ALG14: variants seen among roughly 807,000 people sequenced by gnomAD.
The protein encoded by ALG14 is ALG14 UDP-N-acetylglucosaminyltransferase subunit.
In ALG14, 17 loss-of-function variants were observed where a neutral mutation model predicts 22.8. That is an observed-to-expected ratio of 0.75 (90% confidence interval 0.51 to 1.12). The LOEUF (loss-of-function observed/expected upper bound fraction) is 1.12, where lower values mean the gene tolerates loss of function less well. Ranked by LOEUF, ALG14 falls within the 50% of genes most tolerant of loss-of-function variation. The pLI is 0.00. For missense variants in ALG14, 288 were observed against 271.8 expected, an observed-to-expected ratio of 1.06 and a Z score of -0.42; for synonymous variants, 89 against 103.7, an observed-to-expected ratio of 0.86 and a Z score of 0.86.
At chr1:95,025,214 T>C (rs1673777562) in intron 3 of ALG14, among the ~76,000 whole-genome samples, 1 of 152,328 alleles carries the variant, frequency 6.6e-6, no homozygotes, top group Middle Eastern at 3.4e-3. Flanking sequence ...ATTTTGTATT[T>C]TTTTAAATAA....
intron 2 of ALG14, among the ~76,000 whole-genome samples, chr1:95,040,908 C>T (rs1486478566): frequency 6.6e-6 from 1 of 152,122 alleles, no homozygotes; most frequent in Non-Finnish European, 1.5e-5. Flanking sequence ...ATGTTATTCA[C>T]AGCTATTTTA....
chr1:95,014,843 T>C (rs1471240529), intron 3 of ALG14, among the ~76,000 whole-genome samples: 1 of 152,222 alleles, frequency 6.6e-6, no homozygotes, highest in Non-Finnish European at 1.5e-5. Flanking sequence ...AGTTTCAGGC[T>C]ATCTTAAGAA....
At chr1:95,014,304 G>A (rs35328371) in intron 3 of ALG14, among the ~76,000 whole-genome samples, 35,136 of 152,082 alleles carry the variant, frequency 0.23, 4,434 homozygotes, top group African/African-American at 0.33. Flanking sequence ...GAAGCCTTAG[G>A]CCATAATCTT....
chr1:95,039,542 T>C (rs951852968), intron 2 of ALG14, among the ~76,000 whole-genome samples: 1 of 152,092 alleles, frequency 6.6e-6, no homozygotes, highest in Non-Finnish European at 1.5e-5. Flanking sequence ...GGGGAGCAAA[T>C]AGCAAGAGCG....
intron 3 of ALG14, among the ~76,000 whole-genome samples, chr1:95,010,983 A>T (rs1673345403): frequency 1.3e-5 from 2 of 152,226 alleles, no homozygotes; most frequent in South Asian, 4.1e-4. Context: ...AAGTCAGAAG[A>T]AACCATCCTG....
intron 1 of ALG14, among the ~76,000 whole-genome samples, chr1:95,070,817 C>A (rs1040268080): frequency 2.0e-5 from 3 of 152,124 alleles, no homozygotes; most frequent in Non-Finnish European, 4.4e-5. Context: ...CTCACTGCAA[C>A]CTCCACCTCC....
rs60558070 is a variant in ALG14 at position 95,060,129 on chromosome 1, A to AAC, written c.288+4735_288+4736dup. ...CCACCCTCCTATACATACACACACA[A>AAC]ACACACACACACACACACACACACA... On this transcript the variant is annotated intron_variant, in intron 2 of 3. Coordinates refer to ENST00000370205, the MANE Select transcript of ALG14 (RefSeq NM_144988.4). 1.2e-3 allele frequency among the ~76,000 whole-genome samples: 172 copies of AAC among 143,048 alleles called. 1 individual carries two copies. The highest frequency in any genetic ancestry group is 3.4e-3 in the Admixed American group (49 of 14,362). The allele number at this position is 143,048 out of a possible 152,430, so 93.8% of individuals were successfully genotyped here.
chr1:94,999,342 C>T (rs1021579214), intron 3 of ALG14, among the ~76,000 whole-genome samples: 3 of 139,522 alleles, frequency 2.2e-5, no homozygotes, highest in African/African-American at 8.1e-5. Context: ...TCAGTAGACC[C>T]ATTTTTTTTT....
chr1:94,985,924 A>G (rs999569443), intron 3 of ALG14, among the ~76,000 whole-genome samples: 24 of 152,192 alleles, frequency 1.6e-4, no homozygotes, highest in African/African-American at 5.8e-4. Context: ...CTCAAAGGAA[A>G]CCTAATCTAA....
chr1:94,996,174 C>G (rs559736276), intron 3 of ALG14, among the ~76,000 whole-genome samples: 1 of 152,214 alleles, frequency 6.6e-6, no homozygotes, highest in Non-Finnish European at 1.5e-5. Context: ...GGGTACTTAA[C>G]AGAAATGTAG....
rs560106176 is a variant in ALG14, at chr1:95,007,645, A to C, written c.420+19484T>G. Among the ~76,000 whole-genome samples the C allele has an allele frequency of 4.6e-5, 7 of 152,356 alleles. No homozygotes were observed. The South Asian group carries it at 1.4e-3, about 32-fold the overall frequency. On this transcript the variant is annotated intron_variant, in intron 3 of 3. Coordinates refer to ENST00000370205, the MANE Select transcript of ALG14 (RefSeq NM_144988.4). ...ACATGTTGTCTACACAAGCTAAAAC[A>C]GTACCAGTTTATCTCATTCTAGATG... is the stretch of plus-strand genomic sequence containing the variant.
chr1:95,005,309 C>T (rs1470515672), intron 3 of ALG14, among the ~76,000 whole-genome samples: 1 of 152,092 alleles, frequency 6.6e-6, no homozygotes, highest in Non-Finnish European at 1.5e-5. Flanking sequence ...AGCCTGGAAG[C>T]AGAGACACAG....
intron 3 of ALG14, among the ~76,000 whole-genome samples, chr1:95,016,229 G>C (rs1290979173): frequency 6.6e-6 from 1 of 152,020 alleles, no homozygotes; most frequent in South Asian, 2.1e-4. Context: ...TTTGTTGTGT[G>C]GTCAGAGAGC....
intron 3 of ALG14, among the ~76,000 whole-genome samples, chr1:95,007,462 C>T (rs1316876865): frequency 1.3e-5 from 2 of 152,168 alleles, no homozygotes; most frequent in Non-Finnish European, 2.9e-5. Context: ...CTGCCTTAAG[C>T]TTGAATCTGG....
At chr1:95,060,214 C>T (rs1017315825) in intron 2 of ALG14, among the ~76,000 whole-genome samples, 5 of 151,750 alleles carry the variant, frequency 3.3e-5, no homozygotes, top group Admixed American at 6.6e-5. Flanking sequence ...GAAATGTTCA[C>T]GCTATCTCCC....
chr1:95,032,483 A>G (rs1367681627), intron 2 of ALG14, among the ~76,000 whole-genome samples: 1 of 152,178 alleles, frequency 6.6e-6, no homozygotes, highest in African/African-American at 2.4e-5. Flanking sequence ...GGAGGGACAC[A>G]AAGGAATCAA....
At chr1:95,031,023 C>G (rs1673983963) in intron 2 of ALG14, among the ~76,000 whole-genome samples, 1 of 152,142 alleles carries the variant, frequency 6.6e-6, no homozygotes, top group South Asian at 2.1e-4. Flanking sequence ...CTCCCAGTCT[C>G]CAGACCAGAA....
intron 3 of ALG14, among the ~76,000 whole-genome samples, chr1:95,013,661 G>A (rs1673429773): frequency 6.6e-6 from 1 of 152,004 alleles, no homozygotes; most frequent in South Asian, 2.1e-4. Context: ...ACCAGGATCT[G>A]GATATCTACA....
chr1:94,994,711 A>G (rs773451712), intron 3 of ALG14, among the ~76,000 whole-genome samples: 1 of 152,240 alleles, frequency 6.6e-6, no homozygotes, highest in Non-Finnish European at 1.5e-5. Context: ...GGCCTGGCTG[A>G]GGCCTGCCAA....
Sources: allele counts gnomAD v4.1 joint callset (sites outside exome capture counted in the v4.1 genomes callset), GRCh38; gene constraint gnomAD v4.1.1; transcripts MANE v1.5; gene names NCBI Gene and HGNC (gene_info 2026-07-23, HGNC 2026-07-21).